PADI3: variants seen among roughly 807,000 people sequenced by gnomAD.
The protein encoded by PADI3 is protein-arginine deiminase type-3.
Under a neutral mutation model 71.5 loss-of-function variants are expected in PADI3, and 53 were observed. That is an observed-to-expected ratio of 0.74 (90% CI 0.59 to 0.93). PADI3 has a LOEUF of 0.93. Among genes scored for constraint, PADI3 ranks in the 40% least tolerant of loss-of-function variants. PADI3 has a pLI of 0.00. For missense variants in PADI3, 821 were observed against 868.0 expected (o/e 0.95, Z 0.68); for synonymous variants, 361 against 347.5 (o/e 1.04, Z -0.43).
intron 1 of PADI3, among the ~76,000 whole-genome samples, chr1:17,254,938 A>T (rs1244593259): frequency 6.6e-6 from 1 of 151,224 alleles, no homozygotes; most frequent in East Asian, 2.0e-4. Context: ...CTGGTCTCGA[A>T]CTCCTGACCT....
At chr1:17,253,709 G>T (rs77895431) in intron 1 of PADI3, among the ~76,000 whole-genome samples, 12,079 of 152,188 alleles carry the variant, frequency 0.079, 574 homozygotes, top group South Asian at 0.2. Context: ...GTGCAGCTGG[G>T]GCTAAGAACC....
Position 17,271,155 on chromosome 1 carries a change from A to C in PADI3, c.1024A>C (p.Asn342His). The C allele has an allele frequency of 6.2e-7, 1 of 1,613,310 alleles. No homozygotes were observed. Among genetic ancestry groups the C allele is most frequent in the South Asian group, 1.1e-5 (1 of 91,056 alleles). The stretch of plus-strand genomic sequence containing the variant: ...GCTGACCATCTGCCCACAGGCCGAG[A>C]ACCGCAACGACCGCTGGATCCAGGT... ...CKLTICPQAENRNDRWIQDEM... is the reference protein window; with the variant it reads ...CKLTICPQAEHRNDRWIQDEM... Residue 342 changes from asparagine (N) to histidine (H), a missense_variant, in exon 9 of 16, where the codon AAC becomes CAC. Coordinates refer to ENST00000375460, the MANE Select transcript of PADI3 (RefSeq NM_016233.2).
In PADI3 at chr1:17,278,034, G is replaced by A. The variant is rs539153991; in HGVS notation, c.1555+1158G>A. 2.0e-4 allele frequency: 30 copies of A among 153,506 alleles called. No homozygotes were observed. The South Asian group carries it at 5.3e-3, about 27-fold the overall frequency. The allele number at this position is 153,506 out of a possible 1,614,324, so 9.5% of individuals were successfully genotyped here. A position where few individuals can be genotyped will look rare whatever the true frequency, so the allele number is the denominator to read the frequency against. On this transcript the variant is annotated intron_variant, in intron 13 of 15. Coordinates refer to ENST00000375460, the MANE Select transcript of PADI3 (RefSeq NM_016233.2). ...GCCCCCTGGGAGCTAGGCCTCCGCTGTGAGGCCCACAGGGTGGGCCCTGAC... is the reference window on the plus strand; with the variant it reads ...GCCCCCTGGGAGCTAGGCCTCCGCTATGAGGCCCACAGGGTGGGCCCTGAC...
chr1:17,282,651 T>C (rs2073415364), intron 15 of PADI3, among the ~76,000 whole-genome samples, 195 bp from the exon 16 acceptor site: 1 of 152,366 alleles, frequency 6.6e-6, no homozygotes, highest in Admixed American at 6.5e-5. Flanking sequence ...CAGAGTGAGT[T>C]CTGCGGATGC....
intron 9 of PADI3, 73 bp downstream of exon 9, chr1:17,271,251 C>A: frequency 7.8e-7 from 1 of 1,277,076 alleles, no homozygotes; most frequent in South Asian, 1.3e-5. Context: ...TGGGGGCCAC[C>A]GAGAAACATC....
intron 13 of PADI3, among the ~76,000 whole-genome samples, chr1:17,278,911 C>T (rs1231573312): frequency 6.6e-6 from 1 of 152,168 alleles, no homozygotes; most frequent in Non-Finnish European, 1.5e-5. Flanking sequence ...CCAACACAAC[C>T]CTGGAGCCTT....
rs1348160137 is a variant in PADI3, at chr1:17,267,875, G to A, written c.565G>A (p.Gly189Ser). 6.2e-7 allele frequency: 1 copy of A among 1,614,012 alleles called. No homozygotes were observed. The highest frequency in any genetic ancestry group is 1.1e-5 in the South Asian group (1 of 91,088). ...GTCTGTCATGGTCCTGCGGACGCAGGGCCCTGCAGCCCTCTTTGATGACCA... is the reference window on the plus strand; with the variant it reads ...GTCTGTCATGGTCCTGCGGACGCAGAGCCCTGCAGCCCTCTTTGATGACCA... The part of the protein sequence containing the change: ...DMSVMVLRTQ[G>S]PAALFDDHKL... Residue 189 changes from glycine to serine, a missense_variant, in exon 6 of 16, where the codon GGC becomes AGC. Physicochemically the swap from Gly to Ser is moderately conservative, Grantham distance 56. Coordinates refer to ENST00000375460, the MANE Select transcript of PADI3 (RefSeq NM_016233.2).
chr1:17,275,040 C>A (rs1248722591), intron 11 of PADI3, among the ~76,000 whole-genome samples: 1 of 152,014 alleles, frequency 6.6e-6, no homozygotes, highest in Admixed American at 6.6e-5. Context: ...TACAAGTGGG[C>A]CCAGAGAGGG....
In PADI3 at chr1:17,270,963, C is replaced by A. The variant is rs1431725456; in HGVS notation, c.916C>A (p.Leu306Ile). ...CATGACGCCCAGCACTCTGCCACCC[C>A]TAGAGGTGTATGTGTGCCGGTGAGT... ...WIMTPSTLPPLEVYVCRVRNN... is the reference protein window; with the variant it reads ...WIMTPSTLPPIEVYVCRVRNN... The change falls in exon 8 of 16, where the codon CTA becomes ATA. Residue 306 changes from leucine to isoleucine, a missense_variant. Transcript: ENST00000375460. 1 of 1,614,076 alleles carries A rather than the reference C, an allele frequency of 6.2e-7. No homozygotes were observed. Among genetic ancestry groups the A allele is most frequent in the East Asian group, 2.2e-5 (1 of 44,872 alleles).
rs766280906 is a variant in PADI3, at chr1:17,262,122, A to G, written c.274-11A>G. The G allele has an allele frequency of 1.7e-5, 27 of 1,611,518 alleles. No homozygotes were observed. In the East Asian group the frequency reaches 4.7e-4, roughly 28 times the overall value. On this transcript the variant is annotated splice_polypyrimidine_tract_variant and intron_variant, in intron 2 of 15. Transcript: ENST00000375460. ...TTCTGCTGGTATTACTCTGCGCCCA[A>G]CTCTCCACAGGTTCAGATTTCCTAC...
Position 17,280,766 on chromosome 1 carries a change from G to C in PADI3, c.1731G>C (p.Arg577Ser). Residue 577 changes from arginine to serine, a missense_variant, in exon 15 of 16, where the codon AGG becomes AGC. Coordinates refer to ENST00000375460, the MANE Select transcript of PADI3 (RefSeq NM_016233.2). ...TCCCACAGCTCTTCAAGACCGAGAGGAAAAAAGCAACGGCCTTCTTCCCTG... is the reference window on the plus strand; with the variant it reads ...TCCCACAGCTCTTCAAGACCGAGAGCAAAAAAGCAACGGCCTTCTTCCCTG... ...IDIPQLFKTE[R>S]KKATAFFPDL... The C allele has an allele frequency of 6.2e-7, 1 of 1,614,022 alleles. No homozygotes were observed. The highest frequency in any genetic ancestry group is 8.5e-7 in the Non-Finnish European group (1 of 1,179,958).
chr1:17,251,945 G>A lies in PADI3; in HGVS notation c.92+2716G>A, dbSNP rs2072970745. Among the ~76,000 whole-genome samples, 3 of 152,206 alleles carry A rather than the reference G, an allele frequency of 2.0e-5. No individual in the cohort carries two copies. The South Asian group carries it at 6.2e-4, about 32-fold the overall frequency. ...ACATCTGACTCATGGCTGAGTCAGGGCAGTCTTCCTGGAGGAGGGGCACCA... is the reference window on the plus strand; with the variant it reads ...ACATCTGACTCATGGCTGAGTCAGGACAGTCTTCCTGGAGGAGGGGCACCA... On this transcript the variant is annotated intron_variant, in intron 1 of 15. Transcript: ENST00000375460.
At chr1:17,280,627 A>G in intron 14 of PADI3, 44 bp from the exon 15 acceptor site, 1 of 1,613,252 alleles carries the variant, frequency 6.2e-7, no homozygotes, top group Non-Finnish European at 8.5e-7. Flanking sequence ...CCCCCAAAAC[A>G]CACTGGCAAG....
At chr1:17,275,696 A>G (rs3003434) in intron 11 of PADI3, among the ~76,000 whole-genome samples, 43,037 of 152,050 alleles carry the variant, frequency 0.28, 6,926 homozygotes, top group African/African-American at 0.45. Context: ...CATATTGGTT[A>G]CTTGCTGTGG....
intron 1 of PADI3, among the ~76,000 whole-genome samples, chr1:17,250,752 G>A (rs760736687): frequency 1.7e-4 from 26 of 152,336 alleles, no homozygotes; most frequent in South Asian, 4.1e-4. Flanking sequence ...ACTGGGCTGC[G>A]TGCCATGGGG....
chr1:17,276,952 G>A (rs921006594), intron 13 of PADI3, 76 bp downstream of exon 13: 1 of 1,270,176 alleles, frequency 7.9e-7, no homozygotes, highest in African/African-American at 1.5e-5. Flanking sequence ...TGGCTTGAGA[G>A]GGGGAGGGCA....
intron 3 of PADI3, among the ~76,000 whole-genome samples, chr1:17,264,550 T>G (rs1323280878): frequency 6.6e-6 from 1 of 152,172 alleles, no homozygotes; most frequent in Non-Finnish European, 1.5e-5. Flanking sequence ...TGGTTTTATC[T>G]CTTGAACGCA....
intron 9 of PADI3, among the ~76,000 whole-genome samples, chr1:17,271,968 C>G (rs981561884): frequency 5.3e-5 from 8 of 152,034 alleles, no homozygotes; most frequent in Admixed American, 5.2e-4. Flanking sequence ...TCAGTGAAGA[C>G]CTCCAGGAGG....
intron 4 of PADI3, 34 bp from the exon 5 acceptor site, chr1:17,266,685 G>A (rs1478701844): frequency 1.7e-5 from 26 of 1,568,842 alleles, no homozygotes; most frequent in Non-Finnish European, 2.2e-5. Context: ...TCTCATCTGA[G>A]CCCTCATCAC....
Sources: gnomAD v4.1 joint callset for allele counts (sites outside exome capture counted in the v4.1 genomes callset) on GRCh38, gnomAD v4.1.1 for gene constraint, MANE v1.5 for transcripts, NCBI Gene and HGNC (gene_info 2026-07-23, HGNC 2026-07-21) for gene names.